Variants in SV2B observed in about 807,000 individuals in gnomAD.
SV2B encodes the protein solute carrier family 22 member B2.
Under a neutral mutation model 73.9 loss-of-function variants are expected in SV2B, and 41 were observed. That is an observed-to-expected ratio of 0.56 (90% CI 0.43 to 0.72). The LOEUF (loss-of-function observed/expected upper bound fraction) is 0.72. Among genes scored for constraint, SV2B ranks in the 30% least tolerant of loss-of-function variants. The probability of loss-of-function intolerance (pLI) is 0.00; values close to 1 mark genes in which losing one functional copy is unlikely to be tolerated. For synonymous variants in SV2B, 314 were observed against 314.2 expected, an observed-to-expected ratio of 1.00 and a Z score of 0.01; for missense variants, 764 against 857.8, an observed-to-expected ratio of 0.89 and a Z score of 1.37.
intron 1 of SV2B, among the ~76,000 whole-genome samples, chr15:91,117,434 T>C (rs2042212041): frequency 6.6e-6 from 1 of 152,236 alleles, no homozygotes; most frequent in Non-Finnish European, 1.5e-5. Flanking sequence ...GCCCTAATTA[T>C]TGCAGTGGCT....
At chr15:91,275,179 C>G (rs1403291349) in intron 9 of SV2B, among the ~76,000 whole-genome samples, 1 of 151,978 alleles carries the variant, frequency 6.6e-6, no homozygotes, top group Non-Finnish European at 1.5e-5. Context: ...TGGCTATTTT[C>G]TATTTGTTTT....
intron 1 of SV2B, among the ~76,000 whole-genome samples, chr15:91,187,308 A>G (rs2044810605): frequency 6.6e-6 from 1 of 152,246 alleles, no homozygotes; most frequent in African/African-American, 2.4e-5. Flanking sequence ...AATGAATTCT[A>G]TAATGCTCTT....
rs545088650 is a variant in SV2B at position 91,227,637 on chromosome 15, C to G, written c.451+923C>G. Reference sequence around the variant, plus strand: ...GCTCAAAATCTATCTAGCAATTCAGCTCCTTCATTCAACAAATATCTTTTA... The same window carrying G: ...GCTCAAAATCTATCTAGCAATTCAGGTCCTTCATTCAACAAATATCTTTTA... On this transcript the variant is annotated intron_variant, in intron 2 of 12. Transcript: ENST00000394232. The surrounding 1 kb of genome is among the most constrained non-coding windows in gnomAD (Gnocchi z 4.5). 7.9e-5 allele frequency among the ~76,000 whole-genome samples: 12 copies of G among 152,342 alleles called. No homozygotes were observed. Among genetic ancestry groups the G allele is most frequent in the African/African-American group, 2.9e-4 (12 of 41,574 alleles).
chr15:91,291,640 T>C (rs2049043396), intron 12 of SV2B, among the ~76,000 whole-genome samples: 1 of 152,250 alleles, frequency 6.6e-6, no homozygotes, highest in Admixed American at 6.5e-5. Context: ...AGGTTAAGCA[T>C]TGCATTTTTC....
At chr15:91,230,165 C>T (rs757246995) in intron 2 of SV2B, among the ~76,000 whole-genome samples, 5 of 151,612 alleles carry the variant, frequency 3.3e-5, no homozygotes, top group Admixed American at 2.0e-4. Flanking sequence ...TGCTTGGGCC[C>T]AGGAGACGGA....
intron 11 of SV2B, among the ~76,000 whole-genome samples, chr15:91,286,154 A>G (rs564224710): frequency 2.6e-5 from 4 of 152,236 alleles, no homozygotes; most frequent in East Asian, 1.9e-4. Flanking sequence ...CTACCCTTCA[A>G]TCTTTAGTAA....
intron 2 of SV2B, among the ~76,000 whole-genome samples, chr15:91,244,037 A>G (rs768306207): frequency 2.6e-5 from 4 of 152,162 alleles, no homozygotes; most frequent in East Asian, 1.9e-4. Context: ...TTCATGGGCT[A>G]TGTCATAATT....
rs998220149 is a variant in SV2B at position 91,100,277 on chromosome 15, C to T, written c.-478C>T. On this transcript the variant is annotated 5_prime_UTR_variant, in exon 1 of 13. Coordinates refer to ENST00000394232, the MANE Select transcript of SV2B (RefSeq NM_001323032.3). This position sits in a 1 kb window ranked among gnomAD's most constrained non-coding sequence, Gnocchi z 6.4. Reference sequence around the variant, plus strand: ...CCTCCGCCCGGATCGCCCAGCTCCGCGTTAGCCGGAGCTGCACGCGGGGCT... The same window carrying T: ...CCTCCGCCCGGATCGCCCAGCTCCGTGTTAGCCGGAGCTGCACGCGGGGCT... 1 of 152,178 alleles carries T rather than the reference C, an allele frequency of 6.6e-6. No homozygotes were observed. The highest frequency in any genetic ancestry group is 2.4e-5 in the African/African-American group (1 of 41,448). 9.4% of individuals were successfully genotyped at this position (152,178 alleles called of 1,614,324 possible).
In SV2B at chr15:91,197,705, G is replaced by T. The variant is rs1203996301; in HGVS notation, c.-391-28168G>T. The stretch of plus-strand genomic sequence containing the variant: ...AGCAAAATCTCTAAAATATAATGTT[G>T]TGCTAAAAAGCAAGGATACTTGCTA... On this transcript the variant is annotated intron_variant, in intron 1 of 12. Coordinates refer to ENST00000394232, the MANE Select transcript of SV2B (RefSeq NM_001323032.3). The surrounding 1 kb of genome is among the most constrained non-coding windows in gnomAD (Gnocchi z 4.9). Among the ~76,000 whole-genome samples the T allele has an allele frequency of 6.6e-6, 1 of 152,090 alleles. No individual in the cohort carries two copies. The highest frequency in any genetic ancestry group is 1.5e-5 in the Non-Finnish European group (1 of 68,016).
intron 1 of SV2B, among the ~76,000 whole-genome samples, chr15:91,168,332 A>AGAGAGAGAGAGAGAGAGAGAGAGAGGGAG (rs1567308862): frequency 7.7e-5 from 6 of 78,414 alleles, no homozygotes; most frequent in African/African-American, 2.6e-4. Flanking sequence ...GAGAGAGAGA[A>AGAGAGAGAGAGAGAGAGAGAGAGAGGGAG]AAGAAATTTC....
intron 1 of SV2B, among the ~76,000 whole-genome samples, chr15:91,169,185 T>C (rs1341370384): frequency 6.6e-6 from 1 of 152,202 alleles, no homozygotes; most frequent in East Asian, 1.9e-4. Flanking sequence ...ACTGCGTGGT[T>C]ACTACGCTCC....
chr15:91,208,278 C>G (rs2045718254), intron 1 of SV2B, among the ~76,000 whole-genome samples: 4 of 152,092 alleles, frequency 2.6e-5, no homozygotes, highest in Non-Finnish European at 5.9e-5. Context: ...GTCTATACCT[C>G]TATTTATATG....
rs1205273858 is a variant in SV2B at position 91,115,139 on chromosome 15, A to G, written c.-392+14776A>G. On this transcript the variant is annotated intron_variant, in intron 1 of 12. Coordinates refer to ENST00000394232, the MANE Select transcript of SV2B (RefSeq NM_001323032.3). The surrounding 1 kb of genome is among the most constrained non-coding windows in gnomAD (Gnocchi z 4.3). Reference sequence around the variant, plus strand: ...GAGCAGGCAAAGCCAACAGGTGTCCACTACACACGCTGAGCTGGCTTCTCT... The same window carrying G: ...GAGCAGGCAAAGCCAACAGGTGTCCGCTACACACGCTGAGCTGGCTTCTCT... Among the ~76,000 whole-genome samples, 1 of 152,240 alleles carries G rather than the reference A, an allele frequency of 6.6e-6. No individual in the cohort carries two copies. The highest frequency in any genetic ancestry group is 1.5e-5 in the Non-Finnish European group (1 of 68,038).
intron 6 of SV2B, among the ~76,000 whole-genome samples, chr15:91,262,486 C>T (rs77643373): frequency 0.1 from 15,917 of 151,964 alleles, 922 homozygotes; most frequent in African/African-American, 0.13. Flanking sequence ...ATTTTAGGTT[C>T]GGGGTACATG....
In SV2B at chr15:91,226,463, C is replaced by A. The variant is rs750988407; in HGVS notation, c.200C>A (p.Ala67Glu). 2.7e-5 allele frequency: 44 copies of A among 1,614,068 alleles called. No homozygotes were observed. The stretch of plus-strand genomic sequence containing the variant: ...GTCAAGGCCAAGCAGGCCAAGATGG[C>A]GCCCTCCAGAATGGACAGCCTTCGG... ...DDVKAKQAKM[A>E]PSRMDSLRGQ... Residue 67 changes from alanine (A) to glutamate (E), a missense_variant, in exon 2 of 13, where the codon GCG becomes GAG. Ala to Glu is a moderately radical substitution (Grantham distance 107). Coordinates refer to ENST00000394232, the MANE Select transcript of SV2B (RefSeq NM_001323032.3).
At chr15:91,278,678 C>CAAAAAAA (rs746732650) in intron 9 of SV2B, among the ~76,000 whole-genome samples, 1,114 of 42,330 alleles carry the variant, frequency 0.026, 132 homozygotes, top group East Asian at 0.11. Flanking sequence ...GACTCCGTCT[C>CAAAAAAA]AAAAAAAAAA....
intron 1 of SV2B, among the ~76,000 whole-genome samples, chr15:91,178,676 G>T (rs1396004573): frequency 2.0e-5 from 3 of 151,598 alleles, no homozygotes; most frequent in African/African-American, 7.3e-5. Context: ...TAGTTTATTT[G>T]CGTAGAGGTG....
intron 5 of SV2B, among the ~76,000 whole-genome samples, chr15:91,259,378 C>T (rs1441883425): frequency 1.3e-5 from 2 of 152,140 alleles, no homozygotes; most frequent in Non-Finnish European, 2.9e-5. Flanking sequence ...CTCTTCCAGC[C>T]CCAATCTGCA....
chr15:91,219,727 A>T (rs2046154061), intron 1 of SV2B, among the ~76,000 whole-genome samples: 1 of 152,170 alleles, frequency 6.6e-6, no homozygotes, highest in African/African-American at 2.4e-5. Flanking sequence ...CAGTTTTAGG[A>T]CATTCCCATC....
Sources: gnomAD v4.1 joint callset for allele counts (sites outside exome capture counted in the v4.1 genomes callset) on GRCh38, gnomAD v4.1.1 for gene constraint, Gnocchi (gnomAD v3.1) non-coding constraint, MANE v1.5 for transcripts, NCBI Gene and HGNC (gene_info 2026-07-23, HGNC 2026-07-21) for gene names.